Variants in TULP4 observed in about 807,000 individuals in gnomAD.
The protein encoded by TULP4 is tubby-related protein 4.
A neutral mutation model predicts 129.0 loss-of-function variants in TULP4; 16 were observed. The observed-to-expected ratio is 0.12, with a 90% CI of 0.08 to 0.19. TULP4 has a LOEUF of 0.19. TULP4 is among the 10% of genes least tolerant of loss of function. The pLI, the probability that TULP4 is intolerant of heterozygous loss-of-function variation, is 1.00. For missense variants in TULP4, 1,842 were observed against 2,059.1 expected (o/e 0.89, Z 2.04); for synonymous variants, 998 against 854.0 (o/e 1.17, Z -2.94).
chr6:158,383,357 T>C (rs757570190), intron 1 of TULP4, among the ~76,000 whole-genome samples: 24 of 152,304 alleles, frequency 1.6e-4, no homozygotes, highest in Non-Finnish European at 2.4e-4. Context: ...CATGGGATGA[T>C]TATATCTACT....
At chr6:158,345,794 C>T (rs1392617898) in intron 1 of TULP4, among the ~76,000 whole-genome samples, 2 of 152,122 alleles carry the variant, frequency 1.3e-5, no homozygotes, top group Non-Finnish European at 2.9e-5. Flanking sequence ...AGTGGTCTGA[C>T]CTCAAATTTA....
upstream of TULP4, among the ~76,000 whole-genome samples, chr6:158,279,042 C>T (rs1041491833): frequency 1.3e-5 from 2 of 148,232 alleles, no homozygotes; most frequent in South Asian, 4.3e-4. Context: ...TGGGTTCACG[C>T]CATTCTCCTG....
intron 1 of TULP4, among the ~76,000 whole-genome samples, chr6:158,343,056 A>G (rs538384661): frequency 6.6e-6 from 1 of 151,670 alleles, no homozygotes; most frequent in South Asian, 2.1e-4. Flanking sequence ...AGCAGGGAAA[A>G]TGGAGGACAA....
intron 3 of TULP4, among the ~76,000 whole-genome samples, chr6:158,436,536 A>G (rs1275881940): frequency 6.6e-6 from 1 of 152,222 alleles, no homozygotes; most frequent in Non-Finnish European, 1.5e-5. Context: ...AGAATATTCT[A>G]TAGAAATTGC....
At chr6:158,392,510 C>T (rs982461941) in intron 1 of TULP4, among the ~76,000 whole-genome samples, 1 of 152,192 alleles carries the variant, frequency 6.6e-6, no homozygotes, top group African/African-American at 2.4e-5. Context: ...ATTCTCCCGG[C>T]TTTTTTCTCA....
At chr6:158,460,285 A>G (rs1471356380) in intron 5 of TULP4, among the ~76,000 whole-genome samples, 1 of 152,220 alleles carries the variant, frequency 6.6e-6, no homozygotes, top group Non-Finnish European at 1.5e-5. Flanking sequence ...GTGTGTGCTG[A>G]TAGAGCCCGG....
At chr6:158,422,738 A>C (rs113600274) in intron 2 of TULP4, among the ~76,000 whole-genome samples, 1 of 152,244 alleles carries the variant, frequency 6.6e-6, no homozygotes, top group Non-Finnish European at 1.5e-5. Context: ...TCAGATTTGC[A>C]TAGGGCTCAG....
At position 158,510,337 on chromosome 6, in the gene TULP4, A is replaced by AC. The variant is rs1413807073; in HGVS notation, c.*3647dup. Reference sequence around the variant, plus strand: ...TGTAATCATAGCAAAAAGTCTGCAAACCCCAGGGTCAAGCCTGCTCTGCCA... The same window carrying AC: ...TGTAATCATAGCAAAAAGTCTGCAAACCCCCAGGGTCAAGCCTGCTCTGCCA... On this transcript the variant is annotated 3_prime_UTR_variant, in exon 14 of 14. Transcript: ENST00000367097. The AC allele has an allele frequency of 6.6e-6, 1 of 152,166 alleles. No homozygotes were observed. Among genetic ancestry groups the AC allele is most frequent in the Non-Finnish European group, 1.5e-5 (1 of 68,040 alleles). The allele number at this position is 152,166 out of a possible 1,614,324, so 9.4% of individuals were successfully genotyped here.
chr6:158,245,917 C>G (rs2128449121), intron 1 of TULP4, among the ~76,000 whole-genome samples: 1 of 152,188 alleles, frequency 6.6e-6, no homozygotes, highest in Non-Finnish European at 1.5e-5. Flanking sequence ...TTTAGGTAAC[C>G]ATGGTCTCAA....
At chr6:158,356,385 A>G (rs1288262500) in intron 1 of TULP4, among the ~76,000 whole-genome samples, 1 of 152,204 alleles carries the variant, frequency 6.6e-6, no homozygotes, top group African/African-American at 2.4e-5. Context: ...GAATTTCACA[A>G]ATGGAAGGGT....
chr6:158,258,522 C>G (rs1236358882), intron 1 of TULP4, among the ~76,000 whole-genome samples: 3 of 152,038 alleles, frequency 2.0e-5, no homozygotes, highest in Non-Finnish European at 4.4e-5. Flanking sequence ...AGGATGGAAG[C>G]CATTAAGGAA....
At chr6:158,232,999 C>T (rs1390928539) in intron 1 of TULP4, among the ~76,000 whole-genome samples, 2 of 152,248 alleles carry the variant, frequency 1.3e-5, no homozygotes, top group Non-Finnish European at 2.9e-5. Flanking sequence ...CCATGCGCTC[C>T]ACAACGCAGA....
At chr6:158,288,625 G>C (rs921970926) in intron 1 of TULP4, among the ~76,000 whole-genome samples, 1 of 151,838 alleles carries the variant, frequency 6.6e-6, no homozygotes, top group African/African-American at 2.4e-5. Context: ...CTCAGACTCC[G>C]GAGTAGCTGG....
At chr6:158,285,313 T>A (rs974242348) in intron 1 of TULP4, among the ~76,000 whole-genome samples, 54 of 152,302 alleles carry the variant, frequency 3.5e-4, no homozygotes, top group African/African-American at 1.2e-3. Context: ...AAACAACATA[T>A]TATTTGTTTA....
rs776953948 is a variant in TULP4 at position 158,413,052 on chromosome 6, G to C, written c.253-13G>C. The stretch of plus-strand genomic sequence containing the variant: ...TATTTCCTGTGGTAAATGTCTTCTT[G>C]GTGGTTTTCTAGGTTGTGCTGGTGA... On this transcript the variant is annotated splice_polypyrimidine_tract_variant and intron_variant, in intron 1 of 13. Transcript: ENST00000367097. This position sits in a 1 kb window ranked among gnomAD's most constrained non-coding sequence, Gnocchi z 4.9. 1.9e-6 allele frequency: 3 copies of C among 1,602,436 alleles called. No individual in the cohort carries two copies. The highest frequency in any genetic ancestry group is 2.6e-6 in the Non-Finnish European group (3 of 1,172,904).
At chr6:158,350,001 C>T (rs1780465967) in intron 1 of TULP4, among the ~76,000 whole-genome samples, 1 of 149,574 alleles carries the variant, frequency 6.7e-6, no homozygotes, top group African/African-American at 2.5e-5. Flanking sequence ...AGAGGCGCTC[C>T]TCACTTCCCA....
At chr6:158,276,306 C>CTTTT (rs59674153) in intron 1 of TULP4, among the ~76,000 whole-genome samples, 1 of 136,184 alleles carries the variant, frequency 7.3e-6, no homozygotes. Flanking sequence ...CTTCTTCTTT[C>CTTTT]TTTTTTTTTT....
chr6:158,457,882 G>A (rs1298879505), intron 5 of TULP4, among the ~76,000 whole-genome samples: 1 of 151,738 alleles, frequency 6.6e-6, no homozygotes, highest in Non-Finnish European at 1.5e-5. Context: ...TTGAGTACGT[G>A]CCCCTTTTTT....
chr6:158,237,216 A>G, intron 1 of TULP4: 1 of 745,764 alleles, frequency 1.3e-6, no homozygotes, highest in Non-Finnish European at 2.3e-6. Context: ...ACAAGGAATT[A>G]TTTATGAAAA....
Sources: allele counts gnomAD v4.1 joint callset (sites outside exome capture counted in the v4.1 genomes callset), GRCh38; gene constraint gnomAD v4.1.1; non-coding constraint Gnocchi (gnomAD v3.1); transcripts MANE v1.5; gene names NCBI Gene and HGNC (gene_info 2026-07-23, HGNC 2026-07-21).